KIAA1958: variants seen among roughly 807,000 people sequenced by gnomAD.
The protein encoded by KIAA1958 is uncharacterized protein KIAA1958.
Under a neutral mutation model 47.2 loss-of-function variants are expected in KIAA1958, and 14 were observed. That is an observed-to-expected ratio of 0.30 (90% CI 0.20 to 0.46). KIAA1958 has a LOEUF of 0.46. Ranked by LOEUF, KIAA1958 falls within the 20% of genes least tolerant of loss-of-function variation. KIAA1958 has a pLI of 1.00. For synonymous variants in KIAA1958, 354 were observed against 353.3 expected (o/e 1.00, Z -0.02); for missense variants, 803 against 909.2 (o/e 0.88, Z 1.50).
intron 2 of KIAA1958, among the ~76,000 whole-genome samples, chr9:112,608,627 C>T (rs1267641325): frequency 6.6e-6 from 1 of 151,306 alleles, no homozygotes; most frequent in Non-Finnish European, 1.5e-5. Flanking sequence ...TTATCTATAC[C>T]AAAAATGCAA....
chr9:112,576,235 T>A (rs982837032), intron 2 of KIAA1958, among the ~76,000 whole-genome samples: 6 of 152,156 alleles, frequency 3.9e-5, no homozygotes, highest in African/African-American at 1.4e-4. Flanking sequence ...TCATTTATGA[T>A]TTTTTTGAAG....
intron 1 of KIAA1958, among the ~76,000 whole-genome samples, chr9:112,498,657 G>A (rs1485494804): frequency 2.6e-5 from 4 of 152,040 alleles, no homozygotes; most frequent in East Asian, 3.8e-4. Flanking sequence ...ATGATTCTAC[G>A]TGTTTTTGGG....
At position 112,487,016 on chromosome 9, in the gene KIAA1958, C is replaced by A; in HGVS notation, c.-127C>A. 5.4e-6 allele frequency: 1 copy of A among 186,166 alleles called. No individual in the cohort carries two copies. Among genetic ancestry groups the A allele is most frequent in the Non-Finnish European group, 1.1e-5 (1 of 90,400 alleles). 11.5% of individuals were successfully genotyped at this position (186,166 alleles called of 1,614,324 possible). On this transcript the variant is annotated 5_prime_UTR_variant, in exon 1 of 4. Transcript: ENST00000337530. ...GCCCTCTGGCCGCTCTCCTCCCGCC[C>A]TCGCGCCCCTTCGGCCCGTCCCGTC...
rs1004564196 is a variant in KIAA1958, at chr9:112,527,027, A to G, written c.-25+39909A>G. ...TACCAACTTATCATCTTAACTTTCG[A>G]GTAGATAATATTGTTTGGGCACTAA... On this transcript the variant is annotated intron_variant, in intron 1 of 3. Transcript: ENST00000337530. 9.2e-5 allele frequency among the ~76,000 whole-genome samples: 14 copies of G among 152,290 alleles called. No individual in the cohort carries two copies. The East Asian group carries it at 2.5e-3, about 27-fold the overall frequency.
intron 2 of KIAA1958, among the ~76,000 whole-genome samples, chr9:112,620,358 AT>A (rs1204048801): frequency 6.6e-6 from 1 of 152,206 alleles, no homozygotes; most frequent in African/African-American, 2.4e-5. Context: ...CAACCTCATA[AT>A]TCACATTAGC....
intron 3 of KIAA1958, 120 bp downstream of exon 3, chr9:112,645,942 A>C: frequency 1.5e-6 from 1 of 672,872 alleles, no homozygotes; most frequent in South Asian, 3.5e-5. Flanking sequence ...GAAACTTTGG[A>C]AGAACATGAA....
intron 1 of KIAA1958, among the ~76,000 whole-genome samples, chr9:112,553,653 T>A (rs574548740): frequency 3.3e-5 from 5 of 152,346 alleles, no homozygotes; most frequent in Non-Finnish European, 5.9e-5. Flanking sequence ...CACTGTGTAC[T>A]GTTATCTTTA....
At chr9:112,613,464 A>T (rs189480100) in intron 2 of KIAA1958, among the ~76,000 whole-genome samples, 1 of 152,208 alleles carries the variant, frequency 6.6e-6, no homozygotes, top group Non-Finnish European at 1.5e-5. Context: ...AAAAGCATGA[A>T]TCATAAGGGA....
intron 2 of KIAA1958, among the ~76,000 whole-genome samples, chr9:112,634,653 T>G (rs1836773255): frequency 6.6e-6 from 1 of 152,224 alleles, no homozygotes; most frequent in African/African-American, 2.4e-5. Flanking sequence ...TCATGGGGGT[T>G]TGTCCTTCTA....
At chr9:112,540,229 G>T (rs1834917956) in intron 1 of KIAA1958, among the ~76,000 whole-genome samples, 1 of 152,136 alleles carries the variant, frequency 6.6e-6, no homozygotes, top group African/African-American at 2.4e-5. Context: ...GGGAAAGAGG[G>T]ATTCGAGGGG....
At chr9:112,563,081 C>CTATATATATA (rs1357997391) in intron 1 of KIAA1958, among the ~76,000 whole-genome samples, 6 of 78,696 alleles carry the variant, frequency 7.6e-5, no homozygotes, top group African/African-American at 3.5e-4. Flanking sequence ...CTCTCTCTCT[C>CTATATATATA]TCTCTATATA....
intron 3 of KIAA1958, among the ~76,000 whole-genome samples, chr9:112,652,724 A>G (rs995211215): frequency 6.6e-6 from 1 of 152,094 alleles, no homozygotes; most frequent in African/African-American, 2.4e-5. Context: ...GGTTCAAGTG[A>G]TCCACCCTCC....
At chr9:112,509,200 CTTTTT>C (rs67222850) in intron 1 of KIAA1958, among the ~76,000 whole-genome samples, 1 of 113,148 alleles carries the variant, frequency 8.8e-6, no homozygotes, top group Non-Finnish European at 1.8e-5. Context: ...CAGGCCCATT[CTTTTT>C]TTTTTTTTTT....
chr9:112,635,217 TGTGTG>T (rs1564197247), intron 2 of KIAA1958, among the ~76,000 whole-genome samples: 10 of 9,852 alleles, frequency 1.0e-3, no homozygotes, highest in Non-Finnish European at 8.5e-3. Context: ...CTTTATTTTG[TGTGTG>T]TGTGTGTGTG....
intron 2 of KIAA1958, among the ~76,000 whole-genome samples, chr9:112,641,764 A>G (rs777719852): frequency 2.0e-5 from 3 of 152,032 alleles, no homozygotes; most frequent in Non-Finnish European, 2.9e-5. Context: ...GCCTTTAGCC[A>G]TGTTCATTCT....
intron 1 of KIAA1958, among the ~76,000 whole-genome samples, chr9:112,541,471 C>T (rs3962523): frequency 0.95 from 144,019 of 152,272 alleles, 68,158 homozygotes; most frequent in South Asian, 0.98. Context: ...GGCAAAAACC[C>T]TGTTAGTCCT....
rs148079724 is a variant in KIAA1958, at chr9:112,521,290, C to T, written c.-25+34172C>T. On this transcript the variant is annotated intron_variant, in intron 1 of 3. Transcript: ENST00000337530. ...GTGGTGCAATCATAGCTCACTGTAA[C>T]TGCAAACTCTTTGGGCTTAAGTGAT... Among the ~76,000 whole-genome samples, 563 of 152,192 alleles carry T rather than the reference C, an allele frequency of 3.7e-3. 3 individuals carry two copies. The highest frequency in any genetic ancestry group is 0.013 in the African/African-American group (529 of 41,518).
chr9:112,513,377 G>T (rs1182583992), intron 1 of KIAA1958, among the ~76,000 whole-genome samples: 1 of 149,278 alleles, frequency 6.7e-6, no homozygotes, highest in African/African-American at 2.5e-5. Context: ...TCAGCAGAGG[G>T]AACAGCCATG....
At chr9:112,650,747 G>A (rs757225438) in intron 3 of KIAA1958, among the ~76,000 whole-genome samples, 7 of 152,052 alleles carry the variant, frequency 4.6e-5, no homozygotes, top group Non-Finnish European at 7.4e-5. Flanking sequence ...AGATACTGTC[G>A]GACTGGATTT....
Sources: gnomAD v4.1 joint callset for allele counts (sites outside exome capture counted in the v4.1 genomes callset) on GRCh38, gnomAD v4.1.1 for gene constraint, MANE v1.5 for transcripts, NCBI Gene and HGNC (gene_info 2026-07-23, HGNC 2026-07-21) for gene names.